CUL7: variants seen among roughly 807,000 people sequenced by gnomAD.
CUL7 encodes cullin 7.
In CUL7, 96 loss-of-function variants were observed where a neutral mutation model predicts 177.7. The ratio of observed to expected loss-of-function variants is 0.54; its 90% CI spans 0.46 to 0.64. The LOEUF (loss-of-function observed/expected upper bound fraction) is 0.64, where lower values mean the gene tolerates loss of function less well. Among genes scored for constraint, CUL7 ranks in the 30% least tolerant of loss-of-function variants. The probability of loss-of-function intolerance (pLI) is 0.00; values close to 1 mark genes in which losing one functional copy is unlikely to be tolerated. For synonymous variants in CUL7, 824 were observed against 890.2 expected (o/e 0.93, Z 1.32); for missense variants, 1,893 against 2,187.9 (o/e 0.87, Z 2.69).
rs377565591 is a variant in CUL7 at position 43,046,116 on chromosome 6, T to C, written c.2661-25A>G. On this transcript the variant is annotated intron_variant, in intron 12 of 25. Transcript: ENST00000265348. Reference sequence around the variant, plus strand: ...CCTGGGAGTGGGGAGGAAAAACCATTTGGAACTTGTAGACAGGGCCCATGG... The same window carrying C: ...CCTGGGAGTGGGGAGGAAAAACCATCTGGAACTTGTAGACAGGGCCCATGG... 9.5e-5 allele frequency: 153 copies of C among 1,613,024 alleles called. 1 individual carries two copies. The African/African-American group carries it at 1.5e-3, about 16-fold the overall frequency.
In CUL7 at chr6:43,051,288, A is replaced by G. The variant is rs1470020176; in HGVS notation, c.913T>C (p.Ser305Pro). The G allele has an allele frequency of 6.2e-7, 1 of 1,610,270 alleles. No individual in the cohort carries two copies. Among genetic ancestry groups the G allele is most frequent in the African/African-American group, 1.3e-5 (1 of 74,710 alleles). Residue 305 changes from serine to proline, a missense_variant, in exon 4 of 26, where the codon TCG (serine) becomes CCG (proline). Around this residue, in one of 5 missense-constraint regions of CUL7, gnomAD observed 653 missense variants for 725.2 expected, o/e 0.90. Coordinates refer to ENST00000265348, the MANE Select transcript of CUL7 (RefSeq NM_014780.5). This position sits in a 1 kb window ranked among gnomAD's most constrained non-coding sequence, Gnocchi z 5.0. Reference protein sequence around the residue: ...EFSMAMGTLISELVQAMRWDQ... With the variant: ...EFSMAMGTLIPELVQAMRWDQ... ...CAGCGCATGGCTTGCACCAGCTCCGAGATCAGGGTGCCCATGGCCATACTG... is the reference window on the plus strand; with the variant it reads ...CAGCGCATGGCTTGCACCAGCTCCGGGATCAGGGTGCCCATGGCCATACTG...
Position 43,052,450 on chromosome 6 carries a change from G to A in CUL7, c.339C>T (p.Asp113=), listed in dbSNP as rs4711738. The change falls in exon 2 of 26, where the codon GAC becomes GAT. Residue 113 remains aspartate (D), a synonymous_variant. Coordinates refer to ENST00000265348, the MANE Select transcript of CUL7 (RefSeq NM_014780.5). This position sits in a 1 kb window ranked among gnomAD's most constrained non-coding sequence, Gnocchi z 4.5. ...DKSVLEEMET[D]VKSLIQRALR... ...GGGCTCTCTGAATGAGGGACTTCACGTCGGTTTCCATCTCCTCCAGCACAG... is the reference window on the plus strand; with the variant it reads ...GGGCTCTCTGAATGAGGGACTTCACATCGGTTTCCATCTCCTCCAGCACAG... 205,231 of 1,613,918 alleles carry A rather than the reference G, an allele frequency of 0.13. 19,808 individuals carry two copies. The highest frequency in any genetic ancestry group is 0.49 in the African/African-American group (36,843 of 74,976).
rs761981928 is a variant in CUL7, at chr6:43,049,498, G to C, written c.1734C>G (p.Ala578=). ...CTTGGGCTTCTAGAAGGGATGGGTA[G>C]GCTTGGTTCCCTGCTAGGGCTTCAG... The part of the protein sequence containing the change: ...YGPEALAGNQ[A]YPSLLEAQED... The change falls in exon 7 of 26, where the codon GCC becomes GCG. Residue 578 remains alanine (A), a synonymous_variant. Transcript: ENST00000265348. 1 of 1,614,244 alleles carries C rather than the reference G, an allele frequency of 6.2e-7. No homozygotes were observed. Among genetic ancestry groups the C allele is most frequent in the Non-Finnish European group, 8.5e-7 (1 of 1,180,052 alleles).
In CUL7 at chr6:43,052,491, C is replaced by T. The variant is rs772369037; in HGVS notation, c.298G>A (p.Gly100Arg). ...GPSQESAGEV[G>R]ALDKSVLEEM... ...TCCAGCACAGATTTGTCCAGGGCCC[C>T]AACCTCCCCTGCAGACTCCTGGGAG... The change falls in exon 2 of 26, where the codon GGG becomes AGG. Residue 100 changes from glycine to arginine, a missense_variant. Gly to Arg is a moderately radical substitution (Grantham distance 125). Coordinates refer to ENST00000265348, the MANE Select transcript of CUL7 (RefSeq NM_014780.5). This position sits in a 1 kb window ranked among gnomAD's most constrained non-coding sequence, Gnocchi z 4.5. The T allele has an allele frequency of 1.2e-6, 2 of 1,614,180 alleles. No individual in the cohort carries two copies. The highest frequency in any genetic ancestry group is 8.5e-7 in the Non-Finnish European group (1 of 1,180,042).
At position 43,043,298 on chromosome 6, in the gene CUL7, CATGG is replaced by C; in HGVS notation, c.3356-122_3356-119del. ...ACATGCTGCCACCCAAAATGATGTT[CATGG>C]ATGGAGGTGACACAAACCTGGAAGA... On this transcript the variant is annotated intron_variant, in intron 17 of 25. Transcript: ENST00000265348. This position sits in a 1 kb window ranked among gnomAD's most constrained non-coding sequence, Gnocchi z 4.2. The C allele has an allele frequency of 1.7e-6, 2 of 1,179,790 alleles. No individual in the cohort carries two copies. The highest frequency in any genetic ancestry group is 2.5e-6 in the Non-Finnish European group (2 of 803,916). The allele number at this position is 1,179,790 out of a possible 1,614,324, so 73.1% of individuals were successfully genotyped here.
At position 43,038,830 on chromosome 6, in the gene CUL7, G is replaced by A. The variant is rs774696952; in HGVS notation, c.4440+12C>T. ...TGGGAGACAGGAGAGAGGTGCAGCG[G>A]GGCTGGGCCACCTTCAGGTCGTTGA... is the stretch of plus-strand genomic sequence containing the variant. On this transcript the variant is annotated intron_variant, in intron 23 of 25. Transcript: ENST00000265348. The A allele has an allele frequency of 5.0e-6, 8 of 1,614,204 alleles. No homozygotes were observed. The highest frequency in any genetic ancestry group is 6.8e-6 in the Non-Finnish European group (8 of 1,180,036).
In CUL7 at chr6:43,045,896, A is replaced by G; in HGVS notation, c.2766+90T>C. 1.7e-6 allele frequency: 2 copies of G among 1,169,134 alleles called. No homozygotes were observed. The highest frequency in any genetic ancestry group is 1.3e-5 in the South Asian group (1 of 78,810). 72.4% of individuals were successfully genotyped at this position (1,169,134 alleles called of 1,614,324 possible). On this transcript the variant is annotated intron_variant, in intron 13 of 25. Coordinates refer to ENST00000265348, the MANE Select transcript of CUL7 (RefSeq NM_014780.5). This position sits in a 1 kb window ranked among gnomAD's most constrained non-coding sequence, Gnocchi z 4.8. Reference sequence around the variant, plus strand: ...TTCTGTGGGGCTCAAGACAGGTGGGAGTTAGAAAAAAGTAGGATAGGGCCA... The same window carrying G: ...TTCTGTGGGGCTCAAGACAGGTGGGGGTTAGAAAAAAGTAGGATAGGGCCA...
chr6:43,038,799 A>T (rs959116264), intron 23 of CUL7, 43 bp downstream of exon 23: 2 of 1,614,014 alleles, frequency 1.2e-6, no homozygotes, highest in African/African-American at 2.7e-5. Flanking sequence ...GAGGCAAGGG[A>T]CAAAGTGGGA....
Position 43,037,973 on chromosome 6 carries a change from C to G in CUL7, c.4812G>C (p.Arg1604Ser), listed in dbSNP as rs1390582511. The G allele has an allele frequency of 6.3e-7, 1 of 1,596,524 alleles. No homozygotes were observed. Among genetic ancestry groups the G allele is most frequent in the Non-Finnish European group, 8.5e-7 (1 of 1,169,774 alleles). ...CCTTACCAAGGCTGCTGACCAAACC[C>G]CTGGGAGGACACGGGCCCTTCTGCC... ...EAWQKGPCPP[R>S]GLVSSLGKGS... Residue 1604 changes from arginine to serine, a missense_variant, in exon 26 of 26, where the codon AGG becomes AGC. Arg to Ser is a moderately radical substitution (Grantham distance 110, BLOSUM62 -1). Coordinates refer to ENST00000265348, the MANE Select transcript of CUL7 (RefSeq NM_014780.5).
Position 43,045,738 on chromosome 6 carries a change from T to TGC in CUL7, c.2767-57_2767-56insGC. On this transcript the variant is annotated intron_variant, in intron 13 of 25. Transcript: ENST00000265348. The surrounding 1 kb of genome is among the most constrained non-coding windows in gnomAD (Gnocchi z 4.8). ...CACACATGCAGAGCCAAGTTGGCTC[T>TGC]AGGCTCCAGTCCCCTCACTGTTTCC... 6.4e-7 allele frequency: 1 copy of TGC among 1,567,214 alleles called. No homozygotes were observed. Among genetic ancestry groups the TGC allele is most frequent in the Non-Finnish European group, 8.8e-7 (1 of 1,137,726 alleles).
chr6:43,046,534 A>T lies in CUL7; in HGVS notation c.2465T>A (p.Val822Glu). The part of the protein sequence containing the change: ...HQPINIPFFD[V>E]FLRYLCQGSS... ...ACCCTGGCACAGGTATCTGAGGAAC[A>T]CATCAAAGAAAGGGATGTTGATGGG... The change falls in exon 11 of 26, where the codon GTG becomes GAG. Residue 822 changes from valine to glutamate, a missense_variant. Val to Glu is a moderately radical substitution (Grantham distance 121). Transcript: ENST00000265348. The T allele has an allele frequency of 6.2e-7, 1 of 1,614,164 alleles. No individual in the cohort carries two copies. Among genetic ancestry groups the T allele is most frequent in the Non-Finnish European group, 8.5e-7 (1 of 1,180,036 alleles).
At position 43,041,230 on chromosome 6, in the gene CUL7, T is replaced by C. The variant is rs138723199; in HGVS notation, c.3646-155A>G. 1.5e-3 allele frequency: 1,028 copies of C among 688,000 alleles called. 14 individuals are homozygous for C. The Admixed American group carries it at 0.02, about 14-fold the overall frequency. 42.6% of individuals were successfully genotyped at this position (688,000 alleles called of 1,614,324 possible). A position where few individuals can be genotyped will look rare whatever the true frequency, so the allele number is the denominator to read the frequency against. ...AACTATTTTATAAGATCATTAACCA[T>C]TGTACAAATTAGCAATATTAACAAT... On this transcript the variant is annotated intron_variant, in intron 19 of 25. Transcript: ENST00000265348.
intron 22 of CUL7, among the ~76,000 whole-genome samples, chr6:43,039,735 CTTTTTT>C (rs763879172): frequency 1.6e-4 from 15 of 94,902 alleles, no homozygotes; most frequent in East Asian, 9.7e-4. Flanking sequence ...AAGACCAACT[CTTTTTT>C]TTTTTTTTTT....
At position 43,046,500 on chromosome 6, in the gene CUL7, C is replaced by A. The variant is rs757247829; in HGVS notation, c.2488+11G>T. On this transcript the variant is annotated intron_variant, in intron 11 of 25. Transcript: ENST00000265348. ...GTGGGGAGGTGGAGCAACACGGCAA[C>A]AGGCACGAACCCTGGCACAGGTATC... The A allele has an allele frequency of 6.8e-6, 11 of 1,614,158 alleles. 1 individual carries two copies. In the South Asian group the frequency reaches 1.1e-4, roughly 16 times the overall value.
At chr6:43,038,725 T>TC (rs1300685000) in intron 23 of CUL7, 33 bp from the exon 24 acceptor site, 21 of 1,613,268 alleles carry the variant, frequency 1.3e-5, no homozygotes, top group Middle Eastern at 1.7e-4. Context: ...ATTCAGGGCC[T>TC]CCCCAAGGAG....
rs1023824591 is a variant in CUL7, at chr6:43,052,511, T to A, written c.278A>T (p.Gln93Leu). 8 of 1,614,206 alleles carry A rather than the reference T, an allele frequency of 5.0e-6. No individual in the cohort carries two copies. Among genetic ancestry groups the A allele is most frequent in the East Asian group, 4.5e-5 (2 of 44,878 alleles). The change falls in exon 2 of 26, where the codon CAG (glutamine) becomes CTG (leucine). Residue 93 changes from glutamine to leucine, a missense_variant. Gln to Leu is a moderately radical substitution (Grantham distance 113). Transcript: ENST00000265348. The surrounding 1 kb of genome is among the most constrained non-coding windows in gnomAD (Gnocchi z 4.5). ...GGCCCCAACCTCCCCTGCAGACTCC[T>A]GGGAGGGCCCGATGACCTGGCCATC... ...GEDGQVIGPS[Q>L]ESAGEVGALD... is the part of the protein sequence containing the mutation.
Position 43,043,879 on chromosome 6 carries a change from C to T in CUL7, c.3173-249G>A, listed in dbSNP as rs1763660772. 6.6e-6 allele frequency among the ~76,000 whole-genome samples: 1 copy of T among 151,714 alleles called. No individual in the cohort carries two copies. Among genetic ancestry groups the T allele is most frequent in the African/African-American group, 2.4e-5 (1 of 41,246 alleles). On this transcript the variant is annotated intron_variant, in intron 16 of 25. Coordinates refer to ENST00000265348, the MANE Select transcript of CUL7 (RefSeq NM_014780.5). This position sits in a 1 kb window ranked among gnomAD's most constrained non-coding sequence, Gnocchi z 4.2. ...CCCATCTTTAAAAATAAGAAATAAG[C>T]ATAAAAAAATAGAAAAGGCCAGGTG...
rs374850227 is a variant in CUL7 at position 43,038,707 on chromosome 6, T to C, written c.4441-15A>G. On this transcript the variant is annotated splice_polypyrimidine_tract_variant and intron_variant, in intron 23 of 25. Coordinates refer to ENST00000265348, the MANE Select transcript of CUL7 (RefSeq NM_014780.5). ...ACAGAGACCGCCTTCAGAGAACAGA[T>C]GGGAGACATTCAGGGCCTCCCCAAG... 6.2e-7 allele frequency: 1 copy of C among 1,613,720 alleles called. No individual in the cohort carries two copies. Among genetic ancestry groups the C allele is most frequent in the African/African-American group, 1.3e-5 (1 of 74,964 alleles).
At position 43,047,012 on chromosome 6, in the gene CUL7, G is replaced by A; in HGVS notation, c.2265C>T (p.Ile755=). ...CCAGGTGCTTTTCCAGGGCCTTGGA[G>A]ATAGCGTCTCTTGCTCCCAGCTGAT... ...VLNQLGARDA[I]SKALEKHLGK... is the part of the protein sequence containing the mutation. Residue 755 remains isoleucine, a synonymous_variant, in exon 10 of 26, where the codon ATC becomes ATT. Transcript: ENST00000265348. The A allele has an allele frequency of 6.2e-7, 1 of 1,612,450 alleles. No individual in the cohort carries two copies.
Sources: allele counts gnomAD v4.1 joint callset (sites outside exome capture counted in the v4.1 genomes callset), GRCh38; gene constraint gnomAD v4.1.1; regional missense constraint gnomAD v4.1.1; non-coding constraint Gnocchi (gnomAD v3.1); transcripts MANE v1.5; gene names NCBI Gene and HGNC (gene_info 2026-07-23, HGNC 2026-07-21).